Variants in PDE10A observed in about 807,000 individuals in gnomAD.
PDE10A encodes the protein cAMP and cAMP-inhibited cGMP 3',5'-cyclic phosphodiesterase 10A.
Under a neutral mutation model 97.7 loss-of-function variants are expected in PDE10A, and 39 were observed. The observed-to-expected ratio is 0.40, with a 90% CI of 0.31 to 0.52. The LOEUF is 0.52. PDE10A is among the 20% of genes least tolerant of loss of function. PDE10A has a pLI of 0.56. For synonymous variants in PDE10A, 371 were observed against 376.8 expected, an observed-to-expected ratio of 0.98 and a Z score of 0.18; for missense variants, 731 against 1,047.8, an observed-to-expected ratio of 0.70 and a Z score of 4.17.
chr6:165,576,152 A>G (rs1583572104), intron 1 of PDE10A, among the ~76,000 whole-genome samples: 1 of 152,194 alleles, frequency 6.6e-6, no homozygotes, highest in East Asian at 1.9e-4. Flanking sequence ...GAAATCCTCA[A>G]AAGCCATTAA....
At chr6:165,611,232 C>T (rs748578437) in intron 1 of PDE10A, among the ~76,000 whole-genome samples, 1 of 152,100 alleles carries the variant, frequency 6.6e-6, no homozygotes, top group Non-Finnish European at 1.5e-5. Flanking sequence ...AAAGGAAATA[C>T]ATAATTGTTG....
At chr6:165,853,656 C>T (rs909631442) in intron 1 of PDE10A, among the ~76,000 whole-genome samples, 4 of 152,098 alleles carry the variant, frequency 2.6e-5, no homozygotes, top group Non-Finnish European at 4.4e-5. Context: ...CCAATGACTT[C>T]GCTAATTTAA....
At chr6:165,728,394 G>T (rs1291274043) in intron 1 of PDE10A, among the ~76,000 whole-genome samples, 3 of 152,192 alleles carry the variant, frequency 2.0e-5, no homozygotes, top group Admixed American at 1.3e-4. Flanking sequence ...GGACATGCTG[G>T]TGCATGGCAC....
chr6:165,837,632 G>C (rs1780097984), intron 1 of PDE10A, among the ~76,000 whole-genome samples: 1 of 142,024 alleles, frequency 7.0e-6, no homozygotes, highest in African/African-American at 2.6e-5. Flanking sequence ...GTTCCTCCAA[G>C]TAATCTGCTG....
chr6:165,976,888 C>T (rs779056575), intron 1 of PDE10A, among the ~76,000 whole-genome samples: 2 of 152,228 alleles, frequency 1.3e-5, no homozygotes, highest in Non-Finnish European at 2.9e-5. Context: ...CTTCCCCACA[C>T]GCTCTCCTGG....
At chr6:165,439,606 G>A (rs1250790797) in intron 5 of PDE10A, among the ~76,000 whole-genome samples, 1 of 152,160 alleles carries the variant, frequency 6.6e-6, no homozygotes, top group Non-Finnish European at 1.5e-5. Flanking sequence ...GAAGTCCTAG[G>A]GGAGGAATCA....
intron 1 of PDE10A, among the ~76,000 whole-genome samples, chr6:165,758,822 GCA>G (rs1397193786): frequency 6.6e-6 from 1 of 152,176 alleles, no homozygotes; most frequent in Admixed American, 6.5e-5. Context: ...AATCTGGTGT[GCA>G]CAGTCTCCAC....
In PDE10A at chr6:165,651,512, T is replaced by C. The variant is rs375223521; in HGVS notation, c.865+10435A>G. On this transcript the variant is annotated intron_variant, in intron 1 of 21. Coordinates refer to ENST00000539869, the MANE Select transcript of PDE10A (RefSeq NM_001385079.1). Reference sequence around the variant, plus strand: ...TGGTGTTGGAGCTTCTGGCATGCTATGGGACATGGAGAAAGATAGGTGGAG... The same window carrying C: ...TGGTGTTGGAGCTTCTGGCATGCTACGGGACATGGAGAAAGATAGGTGGAG... Among the ~76,000 whole-genome samples the C allele has an allele frequency of 3.9e-5, 6 of 152,310 alleles. No homozygotes were observed. In the East Asian group the frequency reaches 5.8e-4, roughly 15 times the overall value.
chr6:165,339,243 C>G (rs1354863900), intron 20 of PDE10A, 35 bp downstream of exon 20: 2 of 1,230,210 alleles, frequency 1.6e-6, no homozygotes, highest in Non-Finnish European at 2.4e-6. Context: ...AACTATTTGG[C>G]TTTAGCAATT....
chr6:165,570,160 T>C (rs1784982771), intron 1 of PDE10A, among the ~76,000 whole-genome samples: 1 of 152,170 alleles, frequency 6.6e-6, no homozygotes, highest in Non-Finnish European at 1.5e-5. Context: ...ATATGACTAG[T>C]ACCCTAATGG....
Position 165,606,535 on chromosome 6 carries a change from C to T in PDE10A, c.865+55412G>A, listed in dbSNP as rs141124779. Reference sequence around the variant, plus strand: ...ACTTCCACGAGTCAGTAACACACCTCGCTTCCTTCCACCTGCTATTGATCA... The same window carrying T: ...ACTTCCACGAGTCAGTAACACACCTTGCTTCCTTCCACCTGCTATTGATCA... On this transcript the variant is annotated intron_variant, in intron 1 of 21. Transcript: ENST00000539869. Among the ~76,000 whole-genome samples the T allele has an allele frequency of 2.4e-3, 362 of 152,250 alleles. 1 individual carries two copies. The highest frequency in any genetic ancestry group is 4.3e-3 in the Non-Finnish European group (292 of 68,012).
At chr6:165,575,753 C>T (rs1418074366) in intron 1 of PDE10A, among the ~76,000 whole-genome samples, 1 of 152,196 alleles carries the variant, frequency 6.6e-6, no homozygotes, top group Non-Finnish European at 1.5e-5. Context: ...TTAATAATCA[C>T]CCAATGATTT....
At chr6:165,846,629 A>G (rs1395308031) in intron 1 of PDE10A, among the ~76,000 whole-genome samples, 1 of 152,246 alleles carries the variant, frequency 6.6e-6, no homozygotes, top group Non-Finnish European at 1.5e-5. Context: ...AAGGAAGGCC[A>G]GACAATCCTC....
At chr6:165,404,743 C>T (rs1345655018) in intron 13 of PDE10A, among the ~76,000 whole-genome samples, 2 of 152,012 alleles carry the variant, frequency 1.3e-5, no homozygotes, top group Non-Finnish European at 2.9e-5. Context: ...ATGAAAAACA[C>T]TTACTGAGAG....
At chr6:165,476,359 TGAA>T (rs1779299247) in intron 3 of PDE10A, among the ~76,000 whole-genome samples, 2 of 152,112 alleles carry the variant, frequency 1.3e-5, no homozygotes, top group South Asian at 2.1e-4. Flanking sequence ...CAGATTGAAA[TGAA>T]GAAGAAACAC....
chr6:165,339,779 C>T (rs1282396502), intron 19 of PDE10A, among the ~76,000 whole-genome samples: 1 of 152,202 alleles, frequency 6.6e-6, no homozygotes, highest in African/African-American at 2.4e-5. Flanking sequence ...GGAAGATAAA[C>T]ATCACCAGTC....
chr6:165,945,042 T>G (rs1462091642), intron 1 of PDE10A, among the ~76,000 whole-genome samples: 17 of 152,186 alleles, frequency 1.1e-4, no homozygotes, highest in Non-Finnish European at 2.5e-4. Flanking sequence ...TCCCCCATGT[T>G]GCACAGGGCG....
rs77273391 is a variant in PDE10A, at chr6:165,805,703, T to C, written c.-615+181826A>G. ...AGGGACCCCTCTGGATCTCCCCAGT[T>C]CACTGGCTGGTCTTTAGTTCATCAA... On this transcript the variant is annotated intron_variant, in intron 1 of 19. Coordinates refer to the PDE10A transcript ENST00000366882. Among the ~76,000 whole-genome samples the C allele has an allele frequency of 3.7e-3, 559 of 152,268 alleles. 6 individuals carry two copies. The East Asian group carries it at 0.053, about 14-fold the overall frequency.
chr6:165,659,683 G>A (rs865886105), intron 1 of PDE10A, among the ~76,000 whole-genome samples: 2 of 151,758 alleles, frequency 1.3e-5, no homozygotes, highest in South Asian at 2.1e-4. Context: ...GGTGTGGGGC[G>A]AGGGGGCCTT....
Sources: allele counts gnomAD v4.1 joint callset (sites outside exome capture counted in the v4.1 genomes callset), GRCh38; gene constraint gnomAD v4.1.1; transcripts MANE v1.5; gene names NCBI Gene and HGNC (gene_info 2026-07-23, HGNC 2026-07-21).